GLIS3: variants seen among roughly 807,000 people sequenced by gnomAD.
GLIS3 encodes the protein zinc finger protein GLIS3.
Under a neutral mutation model 78.6 loss-of-function variants are expected in GLIS3, and 53 were observed. The ratio of observed to expected loss-of-function variants is 0.67; its 90% confidence interval spans 0.54 to 0.85. The LOEUF is 0.85. Ranked by LOEUF, GLIS3 falls within the 40% of genes least tolerant of loss-of-function variation. The pLI, the probability that GLIS3 is intolerant of heterozygous loss-of-function variation, is 0.00. For missense variants in GLIS3, 1,703 were observed against 1,231.1 expected (o/e 1.38, Z -5.74); for synonymous variants, 684 against 509.9 (o/e 1.34, Z -4.60).
chr9:3,894,256 T>C (rs1822664988), intron 7 of GLIS3, among the ~76,000 whole-genome samples: 2 of 152,238 alleles, frequency 1.3e-5, no homozygotes, highest in African/African-American at 4.8e-5. Flanking sequence ...GACTTTCATA[T>C]AGTTACGTTG....
chr9:4,467,287 T>G, the GLIS3 span, among the ~76,000 whole-genome samples: 1 of 152,274 alleles, frequency 6.6e-6, no homozygotes. Flanking sequence ...AGAGTGGTGG[T>G]TCTCCCAGCA....
At chr9:4,303,210 A>G (rs1489473343), upstream of GLIS3, among the ~76,000 whole-genome samples, 1 of 152,018 alleles carries the variant, frequency 6.6e-6, no homozygotes, top group Non-Finnish European at 1.5e-5. Flanking sequence ...TGAACCCCAA[A>G]ATACAGATAA....
intron 6 of GLIS3, among the ~76,000 whole-genome samples, chr9:3,902,083 CAA>C (rs1823347947): frequency 6.6e-6 from 1 of 152,208 alleles, no homozygotes; most frequent in African/African-American, 2.4e-5. Context: ...CTTCTGGCAT[CAA>C]AGACGGGCAA....
intron 2 of GLIS3, among the ~76,000 whole-genome samples, chr9:4,185,680 T>C (rs1817722267): frequency 2.6e-5 from 4 of 152,330 alleles, no homozygotes; most frequent in Non-Finnish European, 5.9e-5. Context: ...CAGTCAATCA[T>C]GTGGATAGCA....
intron 2 of GLIS3, among the ~76,000 whole-genome samples, chr9:4,175,979 T>C (rs1458025569): frequency 6.6e-6 from 1 of 152,192 alleles, no homozygotes; most frequent in Non-Finnish European, 1.5e-5. Flanking sequence ...TCTGAGCTAA[T>C]GAAAATATCT....
At chr9:4,304,930 T>C (rs565493607), upstream of GLIS3, among the ~76,000 whole-genome samples, 237 of 152,332 alleles carry the variant, frequency 1.6e-3, 1 homozygote, top group Non-Finnish European at 2.9e-3. Context: ...GTAATTTTAT[T>C]GTCCATGGAA....
At chr9:4,045,461 G>A (rs572631291) in intron 4 of GLIS3, among the ~76,000 whole-genome samples, 52 of 151,470 alleles carry the variant, frequency 3.4e-4, no homozygotes, top group Non-Finnish European at 6.6e-4. Context: ...TCAGCCTCCC[G>A]AGTAGCTGGG....
At chr9:4,266,893 T>C (rs1463988360) in intron 2 of GLIS3, among the ~76,000 whole-genome samples, 2 of 152,162 alleles carry the variant, frequency 1.3e-5, no homozygotes, top group East Asian at 3.9e-4. Flanking sequence ...CAGAACCTAA[T>C]TTGAAATCCA....
At chr9:4,391,550 GGTGTGT>G in the GLIS3 span, among the ~76,000 whole-genome samples, 334 of 146,182 alleles carry the variant, frequency 2.3e-3, no homozygotes, top group African/African-American at 6.9e-3. Context: ...TTCTAAGAGG[GGTGTGT>G]GTGTGTGTGT....
At chr9:4,313,185 G>A (rs538496613) in intron 2 of GLIS3, among the ~76,000 whole-genome samples, 1 of 152,316 alleles carries the variant, frequency 6.6e-6, no homozygotes, top group African/African-American at 2.4e-5. Flanking sequence ...CTGGCACATA[G>A]TAGGTGTAGC....
rs1187366980 is a variant in GLIS3, at chr9:3,955,927, C to G, written c.1711-18738G>C. Among the ~76,000 whole-genome samples, 8 of 149,298 alleles carry G rather than the reference C, an allele frequency of 5.4e-5. No individual in the cohort carries two copies. The Admixed American group carries it at 5.4e-4, about 10-fold the overall frequency. Reference sequence around the variant, plus strand: ...TCCCTTTAATGACAGCTATGGGGAACCTGAATGAAGTAGTATATACGTACA... The same window carrying G: ...TCCCTTTAATGACAGCTATGGGGAAGCTGAATGAAGTAGTATATACGTACA... On this transcript the variant is annotated intron_variant, in intron 4 of 10. Coordinates refer to ENST00000381971, the MANE Select transcript of GLIS3 (RefSeq NM_001042413.2).
chr9:4,107,746 G>C lies in GLIS3; in HGVS notation c.1710+10022C>G, dbSNP rs377634405. On this transcript the variant is annotated intron_variant, in intron 4 of 10. Transcript: ENST00000381971. Reference sequence around the variant, plus strand: ...TTGTTTTCAGATCAGAAGAACACAGGTTACCTAAAAAAAAAAAAACATGGC... The same window carrying C: ...TTGTTTTCAGATCAGAAGAACACAGCTTACCTAAAAAAAAAAAAACATGGC... 7.7e-5 allele frequency among the ~76,000 whole-genome samples: 11 copies of C among 142,108 alleles called. 1 individual carries two copies. The highest frequency in any genetic ancestry group is 2.8e-4 in the African/African-American group (11 of 39,674). The allele number at this position is 142,108 out of a possible 152,430, so 93.2% of individuals were successfully genotyped here.
intron 2 of GLIS3, among the ~76,000 whole-genome samples, chr9:4,251,460 T>A (rs151336706): frequency 6.7e-6 from 1 of 150,272 alleles, no homozygotes; most frequent in Non-Finnish European, 1.5e-5. Flanking sequence ...TCCATTTGCT[T>A]GGTAAATATT....
intron 4 of GLIS3, among the ~76,000 whole-genome samples, chr9:3,948,730 T>A (rs1000460339): frequency 3.3e-5 from 5 of 152,234 alleles, no homozygotes; most frequent in Non-Finnish European, 7.3e-5. Context: ...GGCCTTTGCA[T>A]TGAATTTAAA....
chr9:4,300,246 A>ACACACT (rs1491535352), upstream of GLIS3, among the ~76,000 whole-genome samples: 102 of 131,542 alleles, frequency 7.8e-4, no homozygotes, highest in African/African-American at 2.7e-3. Context: ...ACACACACAC[A>ACACACT]CTCCCCGTGC....
chr9:4,342,494 G>T (rs1331462872), intron 2 of GLIS3, among the ~76,000 whole-genome samples: 1 of 152,166 alleles, frequency 6.6e-6, no homozygotes, highest in African/African-American at 2.4e-5. Flanking sequence ...GGTTACTGCG[G>T]TCTTGTAGTA....
chr9:4,041,416 T>G (rs1317072086), intron 4 of GLIS3, among the ~76,000 whole-genome samples: 1 of 152,216 alleles, frequency 6.6e-6, no homozygotes, highest in African/African-American at 2.4e-5. Context: ...GCAAATCAAC[T>G]ATCTCAATCT....
chr9:4,231,109 A>ATAAC (rs1554628250), intron 2 of GLIS3, among the ~76,000 whole-genome samples: 9 of 152,110 alleles, frequency 5.9e-5, no homozygotes, highest in Admixed American at 5.2e-4. Context: ...TATGTTCAGG[A>ATAAC]TAATGAGATG....
At chr9:3,950,239 C>T (rs1816586779) in intron 4 of GLIS3, among the ~76,000 whole-genome samples, 1 of 152,220 alleles carries the variant, frequency 6.6e-6, no homozygotes, top group Non-Finnish European at 1.5e-5. Flanking sequence ...TCAGTGATCT[C>T]CTAATAGGTC....
Sources: gnomAD v4.1 joint callset for allele counts (sites outside exome capture counted in the v4.1 genomes callset) on GRCh38, gnomAD v4.1.1 for gene constraint, MANE v1.5 for transcripts, NCBI Gene and HGNC (gene_info 2026-07-23, HGNC 2026-07-21) for gene names.